The following BANP variants were observed in gnomAD, a reference collection of about 807,000 sequenced individuals.
The protein encoded by BANP is protein BANP.
In BANP, 11 loss-of-function variants were observed where a neutral mutation model predicts 68.1. The ratio of observed to expected loss-of-function variants is 0.16; its 90% CI spans 0.10 to 0.27. The LOEUF is 0.27. Ranked by LOEUF, BANP falls within the 10% of genes least tolerant of loss-of-function variation. The probability of loss-of-function intolerance (pLI) is 1.00; values close to 1 mark genes in which losing one functional copy is unlikely to be tolerated. For missense variants in BANP, 504 were observed against 722.7 expected (o/e 0.70, Z 3.47); for synonymous variants, 329 against 303.2 (o/e 1.09, Z -0.88).
intron 4 of BANP, among the ~76,000 whole-genome samples, chr16:87,999,121 C>T (rs1056803981): frequency 1.4e-5 from 2 of 139,602 alleles, no homozygotes; most frequent in African/African-American, 5.4e-5. Context: ...CACCCAGACA[C>T]GTCTCCATGC....
Position 88,036,882 on chromosome 16 carries a change from C to T in BANP, c.1273-1091C>T, listed in dbSNP as rs753362125. ...ATCTCCTTGGAGATGTCAGGAGATGCGCCTGTCAGCTCAGCGAGGTCAGGT... is the reference window on the plus strand; with the variant it reads ...ATCTCCTTGGAGATGTCAGGAGATGTGCCTGTCAGCTCAGCGAGGTCAGGT... On this transcript the variant is annotated intron_variant, in intron 10 of 13. Transcript: ENST00000682872. This position sits in a 1 kb window ranked among gnomAD's most constrained non-coding sequence, Gnocchi z 4.2. Among the ~76,000 whole-genome samples, 1 of 152,114 alleles carries T rather than the reference C, an allele frequency of 6.6e-6. No homozygotes were observed. The highest frequency in any genetic ancestry group is 2.4e-5 in the African/African-American group (1 of 41,416).
chr16:87,968,455 G>T lies in BANP; in HGVS notation c.-68-6593G>T, dbSNP rs375331673. On this transcript the variant is annotated intron_variant, in intron 1 of 13. Transcript: ENST00000682872. ...GCTGAGATCGTGCCATTGCACTCCA[G>T]CCTGGGCAACAAGAGTGAAACTCTG... Among the ~76,000 whole-genome samples, 26 of 148,430 alleles carry T rather than the reference G, an allele frequency of 1.8e-4. No individual in the cohort carries two copies. In the East Asian group the frequency reaches 2.8e-3, roughly 16 times the overall value.
intron 8 of BANP, among the ~76,000 whole-genome samples, chr16:88,032,124 A>G (rs1360532282): frequency 6.6e-6 from 1 of 150,714 alleles, no homozygotes; most frequent in Non-Finnish European, 1.5e-5. Flanking sequence ...TTAATAATCA[A>G]TAATTTTATG....
At chr16:88,047,781 T>C (rs1405897049) in intron 11 of BANP, among the ~76,000 whole-genome samples, 1 of 152,250 alleles carries the variant, frequency 6.6e-6, no homozygotes, top group Admixed American at 6.5e-5. Flanking sequence ...GAGCTAGGAA[T>C]GTGGTACATA....
At chr16:87,982,643 G>A (rs1831320196) in intron 3 of BANP, 1 of 152,240 alleles carries the variant, frequency 6.6e-6, no homozygotes. Flanking sequence ...CTTCAACAGA[G>A]AGTAGTCAGT....
chr16:87,967,456 G>C (rs1038857562), intron 1 of BANP, among the ~76,000 whole-genome samples: 1 of 151,348 alleles, frequency 6.6e-6, no homozygotes, highest in Non-Finnish European at 1.5e-5. Flanking sequence ...TTGTTTTTTG[G>C]TTTTTGATTT....
chr16:88,071,700 T>C lies in BANP; in HGVS notation c.1378-369T>C. 2.0e-6 allele frequency: 1 copy of C among 500,592 alleles called. No individual in the cohort carries two copies. Among genetic ancestry groups the C allele is most frequent in the Non-Finnish European group, 3.9e-6 (1 of 256,250 alleles). 31.0% of individuals were successfully genotyped at this position (500,592 alleles called of 1,614,324 possible). On this transcript the variant is annotated intron_variant, in intron 12 of 13. Transcript: ENST00000682872. The surrounding 1 kb of genome is among the most constrained non-coding windows in gnomAD (Gnocchi z 6.5). ...GGCCTCAGTGGCACTCTGGGAGCGC[T>C]TGTGCTCTTCATGGTTGCCACTGGG... is the stretch of plus-strand genomic sequence containing the variant.
intron 2 of BANP, among the ~76,000 whole-genome samples, chr16:87,975,731 T>C (rs2061971227): frequency 6.7e-6 from 1 of 149,478 alleles, no homozygotes; most frequent in South Asian, 2.1e-4. Flanking sequence ...TCATGGAACC[T>C]TCCCATGTTG....
chr16:87,978,600 T>C (rs1299278459), intron 2 of BANP: 12 of 469,896 alleles, frequency 2.6e-5, no homozygotes, highest in Middle Eastern at 4.5e-4. Context: ...ATGCGCTCCC[T>C]GCCTGTGAGG....
rs564998946 is a variant in BANP at position 88,009,152 on chromosome 16, G to A, written c.655+2887G>A. 3.9e-5 allele frequency among the ~76,000 whole-genome samples: 6 copies of A among 152,304 alleles called. No individual in the cohort carries two copies. In the South Asian group the frequency reaches 1.2e-3, roughly 32 times the overall value. ...GGCGTCCTCTCTTCAGCACTTCCATGGGGGGTGCGAATGTGCCGAGAATGG... is the reference window on the plus strand; with the variant it reads ...GGCGTCCTCTCTTCAGCACTTCCATAGGGGGTGCGAATGTGCCGAGAATGG... On this transcript the variant is annotated intron_variant, in intron 6 of 13. Coordinates refer to ENST00000682872, the MANE Select transcript of BANP (RefSeq NM_001386991.1).
At chr16:87,987,294 G>C (rs778988752) in intron 4 of BANP, among the ~76,000 whole-genome samples, 1 of 152,132 alleles carries the variant, frequency 6.6e-6, no homozygotes, top group African/African-American at 2.4e-5. Flanking sequence ...AGCCAGGCTG[G>C]TCTTGAACTC....
At chr16:87,968,341 G>C (rs978169775) in intron 1 of BANP, among the ~76,000 whole-genome samples, 1 of 151,854 alleles carries the variant, frequency 6.6e-6, no homozygotes. Context: ...AAAATTAGCC[G>C]GGCATGGTGG....
At position 87,989,497 on chromosome 16, in the gene BANP, G is replaced by C. The variant is rs529583725; in HGVS notation, c.362+5238G>C. Reference sequence around the variant, plus strand: ...ACTTCGAAGCTGGACAGAGATAGTGGTGTAAACAGGATGCAGCAGAGCATG... The same window carrying C: ...ACTTCGAAGCTGGACAGAGATAGTGCTGTAAACAGGATGCAGCAGAGCATG... On this transcript the variant is annotated intron_variant, in intron 4 of 13. Coordinates refer to ENST00000682872, the MANE Select transcript of BANP (RefSeq NM_001386991.1). 1.2e-4 allele frequency among the ~76,000 whole-genome samples: 18 copies of C among 152,388 alleles called. No homozygotes were observed. The South Asian group carries it at 3.7e-3, about 32-fold the overall frequency.
intron 8 of BANP, among the ~76,000 whole-genome samples, chr16:88,027,989 G>A (rs1278780557): frequency 3.9e-5 from 6 of 152,244 alleles, no homozygotes; most frequent in Non-Finnish European, 7.3e-5. Context: ...GGGTGACTCC[G>A]GGTGAAGAAG....
intron 4 of BANP, among the ~76,000 whole-genome samples, chr16:87,988,790 G>A (rs567648475): frequency 1.6e-4 from 24 of 152,154 alleles, no homozygotes; most frequent in Non-Finnish European, 2.8e-4. Context: ...TGCCCCCTGC[G>A]GTATCACATG....
At chr16:87,951,967 GCCT>G (rs1179235660) in intron 1 of BANP, among the ~76,000 whole-genome samples, 1 of 152,122 alleles carries the variant, frequency 6.6e-6, no homozygotes, top group Non-Finnish European at 1.5e-5. Flanking sequence ...TCGTTTTTGT[GCCT>G]CCTCCGTGGC....
intron 4 of BANP, among the ~76,000 whole-genome samples, chr16:88,000,521 T>G (rs1195048776): frequency 1.7e-4 from 3 of 17,422 alleles, no homozygotes; most frequent in African/African-American, 4.7e-4. Flanking sequence ...TGCGCGGCTG[T>G]ACTTACCTGT....
At chr16:87,951,247 C>A (rs1054491377), upstream of BANP, among the ~76,000 whole-genome samples, 3 of 152,194 alleles carry the variant, frequency 2.0e-5, no homozygotes, top group African/African-American at 7.2e-5. Context: ...GGAAAAAAGC[C>A]CTGGGAAGCC....
intron 6 of BANP, among the ~76,000 whole-genome samples, chr16:88,017,958 C>G (rs780237574): frequency 5.3e-5 from 8 of 152,110 alleles, no homozygotes; most frequent in Non-Finnish European, 2.9e-5. Flanking sequence ...GCCAGGCCGG[C>G]TGCTGATGCT....
Sources: gnomAD v4.1 joint callset for allele counts (sites outside exome capture counted in the v4.1 genomes callset) on GRCh38, gnomAD v4.1.1 for gene constraint, Gnocchi (gnomAD v3.1) non-coding constraint, MANE v1.5 for transcripts, NCBI Gene and HGNC (gene_info 2026-07-23, HGNC 2026-07-21) for gene names.